Variants in MEF2C observed in about 807,000 individuals in gnomAD.
MEF2C encodes myocyte-specific enhancer factor 2C.
Under a neutral mutation model 50.5 loss-of-function variants are expected in MEF2C, and 6 were observed. The ratio of observed to expected loss-of-function variants is 0.12; its 90% confidence interval spans 0.07 to 0.23. MEF2C has a LOEUF of 0.23. Among genes scored for constraint, MEF2C ranks in the 10% least tolerant of loss-of-function variants. The pLI is 1.00. For synonymous variants in MEF2C, 183 were observed against 228.0 expected (o/e 0.80, Z 1.78); for missense variants, 276 against 605.0 (o/e 0.46, Z 5.70).
chr5:88,738,343 T>G, intron 6 of MEF2C: 1 of 985,350 alleles, frequency 1.0e-6, no homozygotes. Context: ...GCATACACAT[T>G]AACTGCTCAG....
intron 2 of MEF2C, among the ~76,000 whole-genome samples, chr5:88,819,155 T>TA (rs1442193010): frequency 1.3e-5 from 2 of 151,970 alleles, no homozygotes; most frequent in Non-Finnish European, 2.9e-5. Flanking sequence ...TGTGTGTCTC[T>TA]AAAAACTATG....
At chr5:88,865,204 G>A (rs1826904636) in intron 1 of MEF2C, among the ~76,000 whole-genome samples, 1 of 152,120 alleles carries the variant, frequency 6.6e-6, no homozygotes, top group Non-Finnish European at 1.5e-5. Context: ...CCTAACATCA[G>A]TATTTTAAAA....
chr5:88,748,705 G>T, intron 6 of MEF2C: 1 of 908,594 alleles, frequency 1.1e-6, no homozygotes, highest in Non-Finnish European at 1.3e-6. Flanking sequence ...TACTTCTTTG[G>T]CTGGAAAATG....
chr5:88,877,243 CTCT>C (rs751903506), intron 1 of MEF2C, among the ~76,000 whole-genome samples: 37 of 152,080 alleles, frequency 2.4e-4, no homozygotes, highest in Non-Finnish European at 4.6e-4. Flanking sequence ...TCAAAAGATT[CTCT>C]TCATGTACTT....
chr5:88,731,009 T>C (rs1425142678), intron 7 of MEF2C, among the ~76,000 whole-genome samples: 1 of 152,198 alleles, frequency 6.6e-6, no homozygotes, highest in African/African-American at 2.4e-5. Context: ...ATCTTAGGCA[T>C]GCAGACCCAG....
chr5:88,876,196 G>A (rs543152965), intron 1 of MEF2C, among the ~76,000 whole-genome samples: 16 of 150,400 alleles, frequency 1.1e-4, no homozygotes, highest in East Asian at 3.9e-4. Context: ...AGACACATAC[G>A]TTCTGTTCAG....
intron 2 of MEF2C, among the ~76,000 whole-genome samples, chr5:88,807,513 C>T (rs1800997641): frequency 6.6e-6 from 1 of 152,196 alleles, no homozygotes; most frequent in Non-Finnish European, 1.5e-5. Flanking sequence ...GGATTACAGG[C>T]ATAAGCCACC....
At chr5:88,817,458 A>G (rs538571048) in intron 2 of MEF2C, among the ~76,000 whole-genome samples, 2 of 151,974 alleles carry the variant, frequency 1.3e-5, no homozygotes, top group Non-Finnish European at 2.9e-5. Flanking sequence ...TATATAATTT[A>G]TAATTCATAT....
chr5:88,806,678 A>G (rs1800573400), intron 2 of MEF2C, among the ~76,000 whole-genome samples: 1 of 152,196 alleles, frequency 6.6e-6, no homozygotes, highest in South Asian at 2.1e-4. Flanking sequence ...CCTTCATGTT[A>G]CAATCACATT....
chr5:88,840,458 T>G (rs2153317873), intron 1 of MEF2C, among the ~76,000 whole-genome samples: 1 of 152,324 alleles, frequency 6.6e-6, no homozygotes, highest in Middle Eastern at 3.4e-3. Context: ...ATATACATAG[T>G]CCTTGAAAAG....
At chr5:88,762,317 G>A (rs543418798) in intron 3 of MEF2C, among the ~76,000 whole-genome samples, 54 of 152,224 alleles carry the variant, frequency 3.5e-4, no homozygotes, top group Admixed American at 5.2e-4. Flanking sequence ...TTGCTCTGTC[G>A]CCCAGGCTGG....
At chr5:88,862,327 C>G (rs1825779694) in intron 1 of MEF2C, among the ~76,000 whole-genome samples, 1 of 151,920 alleles carries the variant, frequency 6.6e-6, no homozygotes, top group Admixed American at 6.6e-5. Context: ...CACACACACA[C>G]AGAGATACAT....
chr5:88,773,821 T>C (rs1216695851), intron 3 of MEF2C, among the ~76,000 whole-genome samples: 2 of 152,238 alleles, frequency 1.3e-5, no homozygotes, highest in Non-Finnish European at 1.5e-5. Context: ...GCAGTCTTGG[T>C]CTCTAGTCTT....
intron 1 of MEF2C, among the ~76,000 whole-genome samples, chr5:88,842,001 G>T (rs1817559612): frequency 6.6e-6 from 1 of 151,934 alleles, no homozygotes; most frequent in Non-Finnish European, 1.5e-5. Context: ...TATACTATTT[G>T]AAATTTCTCC....
At chr5:88,760,934 G>A in intron 4 of MEF2C, 1 of 1,555,610 alleles carries the variant, frequency 6.4e-7, no homozygotes. Context: ...AGAGGGTTAA[G>A]GTATGTTACT....
Position 88,749,428 on chromosome 5 carries a change from A to T in MEF2C, c.590-311T>A, listed in dbSNP as rs138063076. ...TTCCCTAAGCAGATGTTTTATAGAA[A>T]GTGAAAGAAAGAGTAAGGTCTACTA... is the stretch of plus-strand genomic sequence containing the variant. On this transcript the variant is annotated intron_variant, in intron 5 of 10. Transcript: ENST00000504921. 2.2e-4 allele frequency: 219 copies of T among 984,736 alleles called. 1 individual carries two copies. In the African/African-American group the frequency reaches 3.2e-3, roughly 14 times the overall value. The allele number at this position is 984,736 out of a possible 1,614,324, so 61.0% of individuals were successfully genotyped here.
intron 4 of MEF2C, 129 bp from the exon 5 acceptor site, chr5:88,752,172 TAAG>T (rs1773126744): frequency 1.3e-6 from 1 of 765,576 alleles, no homozygotes; most frequent in Non-Finnish European, 2.0e-6. Flanking sequence ...AGAAGACCAT[TAAG>T]AAGAGCTCTC....
intron 3 of MEF2C, among the ~76,000 whole-genome samples, chr5:88,782,961 A>C (rs912245788): frequency 6.6e-6 from 1 of 152,074 alleles, no homozygotes; most frequent in Non-Finnish European, 1.5e-5. Context: ...TATTCTCTTC[A>C]TATCAAGCTA....
At chr5:88,738,162 C>T (rs1402045257) in intron 6 of MEF2C, 2 of 985,122 alleles carry the variant, frequency 2.0e-6, no homozygotes. Flanking sequence ...CCTACAGAGC[C>T]TTAGTTTTCT....
Sources: allele counts gnomAD v4.1 joint callset (sites outside exome capture counted in the v4.1 genomes callset), GRCh38; gene constraint gnomAD v4.1.1; transcripts MANE v1.5; gene names NCBI Gene and HGNC (gene_info 2026-07-23, HGNC 2026-07-21).